RBFOX1: variants seen among roughly 807,000 people sequenced by gnomAD.
The protein encoded by RBFOX1 is RNA binding fox-1 homolog 1.
A neutral mutation model predicts 57.7 loss-of-function variants in RBFOX1; 8 were observed. The observed-to-expected ratio is 0.14, with a 90% CI of 0.08 to 0.25. RBFOX1 has a LOEUF of 0.25. RBFOX1 is among the 10% of genes least tolerant of loss of function. RBFOX1 has a pLI of 1.00. For missense variants in RBFOX1, 611 were observed against 548.5 expected (o/e 1.11, Z -1.14); for synonymous variants, 326 against 222.4 (o/e 1.47, Z -4.15).
chr16:6,872,033 T>C (rs1047112925), intron 3 of RBFOX1, among the ~76,000 whole-genome samples: 15 of 152,024 alleles, frequency 9.9e-5, no homozygotes, highest in Admixed American at 8.5e-4. Context: ...TATGATTGTG[T>C]GTAGGTATCG....
At chr16:6,603,637 C>G (rs1319416353) in intron 2 of RBFOX1, among the ~76,000 whole-genome samples, 1 of 152,160 alleles carries the variant, frequency 6.6e-6, no homozygotes, top group Non-Finnish European at 1.5e-5. Flanking sequence ...CTATGTGCAG[C>G]TGGGGGTTAT....
chr16:7,143,070 T>C (rs544571631), intron 4 of RBFOX1, among the ~76,000 whole-genome samples: 3 of 152,188 alleles, frequency 2.0e-5, no homozygotes, highest in Non-Finnish European at 4.4e-5. Context: ...GTGTCCTTCA[T>C]ATTTTTTCCT....
intron 4 of RBFOX1, among the ~76,000 whole-genome samples, chr16:7,207,876 G>A (rs951214282): frequency 1.3e-5 from 2 of 152,190 alleles, no homozygotes; most frequent in African/African-American, 4.8e-5. Flanking sequence ...CTAAGGAGAA[G>A]ATAAATGGTG....
At chr16:6,831,364 T>A (rs1360207362) in intron 3 of RBFOX1, among the ~76,000 whole-genome samples, 1 of 152,204 alleles carries the variant, frequency 6.6e-6, no homozygotes, top group East Asian at 1.9e-4. Context: ...ATTTTCTAGA[T>A]TTTACTGAGT....
intron 3 of RBFOX1, among the ~76,000 whole-genome samples, chr16:6,937,319 C>G (rs960556320): frequency 2.0e-5 from 3 of 152,172 alleles, no homozygotes; most frequent in Non-Finnish European, 1.5e-5. Context: ...ATCCCCCGAA[C>G]AACCACCCCA....
At chr16:5,435,017 C>T (rs1460943394) in intron 1 of RBFOX1, among the ~76,000 whole-genome samples, 1 of 152,194 alleles carries the variant, frequency 6.6e-6, no homozygotes, top group East Asian at 1.9e-4. Context: ...CTGTCCTTGC[C>T]ACCCAAGCTT....
At chr16:5,978,578 T>G (rs2060112641) in intron 4 of RBFOX1, among the ~76,000 whole-genome samples, 1 of 152,188 alleles carries the variant, frequency 6.6e-6, no homozygotes, top group South Asian at 2.1e-4. Flanking sequence ...CAAATCCAAG[T>G]CCAGGTACCA....
intron 1 of RBFOX1, among the ~76,000 whole-genome samples, chr16:6,287,185 G>C (rs558758047): frequency 1.3e-5 from 2 of 152,126 alleles, no homozygotes; most frequent in Non-Finnish European, 2.9e-5. Flanking sequence ...TGCAAATTCA[G>C]CCTCCAAGAA....
chr16:6,913,605 C>A (rs1011189949), intron 3 of RBFOX1, among the ~76,000 whole-genome samples: 2 of 152,118 alleles, frequency 1.3e-5, no homozygotes, highest in Non-Finnish European at 2.9e-5. Context: ...CAAGCTTTTC[C>A]CAGAGCAACT....
chr16:7,112,605 A>G (rs745745521), intron 4 of RBFOX1, among the ~76,000 whole-genome samples: 3 of 152,000 alleles, frequency 2.0e-5, no homozygotes, highest in Non-Finnish European at 4.4e-5. Flanking sequence ...ATGGAAAATA[A>G]ATAATGGCTG....
chr16:5,787,107 C>T (rs1597250910), intron 3 of RBFOX1, among the ~76,000 whole-genome samples: 1 of 152,232 alleles, frequency 6.6e-6, no homozygotes, highest in East Asian at 1.9e-4. Flanking sequence ...GCATTCCAGC[C>T]TGGGAAACAG....
intron 3 of RBFOX1, among the ~76,000 whole-genome samples, chr16:6,901,822 A>G (rs758214372): frequency 6.6e-6 from 1 of 152,190 alleles, no homozygotes; most frequent in Non-Finnish European, 1.5e-5. Flanking sequence ...TGTTATATTT[A>G]CTGTGTTAAA....
chr16:7,287,419 G>C (rs2095671560), intron 4 of RBFOX1, among the ~76,000 whole-genome samples: 1 of 152,064 alleles, frequency 6.6e-6, no homozygotes, highest in Non-Finnish European at 1.5e-5. Flanking sequence ...TCTCTTTCTA[G>C]AATCACCATC....
intron 1 of RBFOX1, among the ~76,000 whole-genome samples, chr16:5,265,586 C>G (rs1351122691): frequency 6.6e-6 from 1 of 152,152 alleles, no homozygotes. Context: ...AAATGCTGAT[C>G]AATATGTGTA....
chr16:5,338,833 A>T (rs1465534604), intron 1 of RBFOX1, among the ~76,000 whole-genome samples: 1 of 151,808 alleles, frequency 6.6e-6, no homozygotes, highest in Admixed American at 6.6e-5. Flanking sequence ...TTTTTTTTGT[A>T]TAGGTTGGGG....
At chr16:6,906,312 A>G (rs1006180618) in intron 3 of RBFOX1, among the ~76,000 whole-genome samples, 1 of 152,042 alleles carries the variant, frequency 6.6e-6, no homozygotes, top group Non-Finnish European at 1.5e-5. Flanking sequence ...TGGGGTAATA[A>G]AATTGTATTC....
At chr16:7,599,413 AT>A (rs1161014897) in intron 9 of RBFOX1, among the ~76,000 whole-genome samples, 1 of 152,122 alleles carries the variant, frequency 6.6e-6, no homozygotes, top group Non-Finnish European at 1.5e-5. Context: ...TAAAAGAGTT[AT>A]TGATCAATTT....
intron 4 of RBFOX1, among the ~76,000 whole-genome samples, chr16:7,417,398 C>A (rs973341858): frequency 2.8e-5 from 4 of 140,936 alleles, no homozygotes; most frequent in African/African-American, 5.2e-5. Context: ...AAAGAGATGA[C>A]CCCATATCCT....
intron 3 of RBFOX1, among the ~76,000 whole-genome samples, chr16:6,772,878 G>T (rs962349475): frequency 6.7e-6 from 1 of 149,700 alleles, no homozygotes; most frequent in Non-Finnish European, 1.5e-5. Context: ...GTGTCTGTGT[G>T]GGCGTGGGGT....
Sources: gnomAD v4.1 joint callset for allele counts (sites outside exome capture counted in the v4.1 genomes callset) on GRCh38, gnomAD v4.1.1 for gene constraint, MANE v1.5 for transcripts, NCBI Gene and HGNC (gene_info 2026-07-23, HGNC 2026-07-21) for gene names.